Variants in TRAF3 observed in about 807,000 individuals in gnomAD.
TRAF3 encodes the protein TNF receptor associated factor 3.
Under a neutral mutation model 62.3 loss-of-function variants are expected in TRAF3, and 13 were observed. The ratio of observed to expected loss-of-function variants is 0.21; its 90% confidence interval spans 0.14 to 0.33. The LOEUF is 0.33. Ranked by LOEUF, TRAF3 falls within the 10% of genes least tolerant of loss-of-function variation. The pLI is 1.00. For missense variants in TRAF3, 440 were observed against 741.8 expected, an observed-to-expected ratio of 0.59 and a Z score of 4.73; for synonymous variants, 269 against 283.4, an observed-to-expected ratio of 0.95 and a Z score of 0.51.
intron 5 of TRAF3, among the ~76,000 whole-genome samples, chr14:102,876,079 T>C (rs1313192628): frequency 1.3e-5 from 2 of 152,212 alleles, no homozygotes; most frequent in African/African-American, 4.8e-5. Flanking sequence ...CTTAGAAAAT[T>C]ATTTGAACTG....
At chr14:102,799,376 C>T (rs1188067537) in intron 1 of TRAF3, among the ~76,000 whole-genome samples, 1 of 152,202 alleles carries the variant, frequency 6.6e-6, no homozygotes, top group Non-Finnish European at 1.5e-5. Flanking sequence ...GTGCAGATTC[C>T]ATTCAGTTCA....
intron 1 of TRAF3, among the ~76,000 whole-genome samples, chr14:102,823,828 C>T (rs1479224108): frequency 6.6e-6 from 1 of 152,134 alleles, no homozygotes; most frequent in African/African-American, 2.4e-5. Context: ...GCAGCCATTG[C>T]CTACTTTGGA....
rs182442916 is a variant in TRAF3, at chr14:102,896,443, T to A, written c.820-818T>A. ...CTGGCTTATTTCAGTTAGCATAACA[T>A]CCTCCAGGGACTAGTATTTTCTTAA... On this transcript the variant is annotated intron_variant, in intron 9 of 11. Transcript: ENST00000392745. Among the ~76,000 whole-genome samples the A allele has an allele frequency of 6.5e-3, 983 of 152,236 alleles. 8 individuals carry two copies. Among genetic ancestry groups the A allele is most frequent in the Non-Finnish European group, 0.01 (706 of 68,018 alleles).
intron 1 of TRAF3, among the ~76,000 whole-genome samples, chr14:102,782,716 A>G (rs547510254): frequency 1.4e-4 from 20 of 145,758 alleles, no homozygotes; most frequent in African/African-American, 3.5e-4. Context: ...AAAAAAAAAA[A>G]TTAAATGGAG....
chr14:102,879,367 G>C, intron 6 of TRAF3, among the ~76,000 whole-genome samples: 1 of 152,100 alleles, frequency 6.6e-6, no homozygotes, highest in East Asian at 1.9e-4. Context: ...CTTTCTCCCA[G>C]GTTCAAGTGA....
At chr14:102,880,559 A>T (rs554785226) in intron 6 of TRAF3, among the ~76,000 whole-genome samples, 2 of 152,372 alleles carry the variant, frequency 1.3e-5, no homozygotes, top group East Asian at 3.9e-4. Context: ...ACGATTCCTC[A>T]AAGATCTAGA....
chr14:102,810,528 T>C (rs1899057685), intron 1 of TRAF3: 1 of 152,256 alleles, frequency 6.6e-6, no homozygotes, highest in Non-Finnish European at 1.5e-5. Context: ...AAAGTAGTTC[T>C]TCAGAAGTGT....
At chr14:102,817,830 C>T (rs192103934) in intron 1 of TRAF3, among the ~76,000 whole-genome samples, 7 of 152,188 alleles carry the variant, frequency 4.6e-5, no homozygotes, top group East Asian at 1.9e-4. Context: ...TCTATTGTTA[C>T]GTTGTTAAGT....
chr14:102,897,146 G>C, intron 9 of TRAF3, 115 bp from the exon 10 acceptor site: 1 of 1,004,056 alleles, frequency 1.0e-6, no homozygotes, highest in South Asian at 1.5e-5. Flanking sequence ...TTTTTCTTCT[G>C]AAACTCTGTC....
At chr14:102,789,594 A>ATGTGTGTGTGTG (rs56383846) in intron 1 of TRAF3, among the ~76,000 whole-genome samples, 1 of 148,686 alleles carries the variant, frequency 6.7e-6, no homozygotes, top group Non-Finnish European at 1.5e-5. Flanking sequence ...AAAAGGATAT[A>ATGTGTGTGTGTG]TGTGTGTGTG....
intron 4 of TRAF3, among the ~76,000 whole-genome samples, chr14:102,873,325 G>C (rs186361712): frequency 1.8e-3 from 274 of 152,292 alleles, no homozygotes; most frequent in African/African-American, 5.9e-3. Context: ...CTGCAGGCTT[G>C]GTTAGTTCCT....
At chr14:102,862,670 T>C (rs1359297393) in intron 2 of TRAF3, among the ~76,000 whole-genome samples, 5 of 152,186 alleles carry the variant, frequency 3.3e-5, no homozygotes, top group Non-Finnish European at 7.3e-5. Context: ...TACAGGACTT[T>C]TCTACCATTA....
intron 1 of TRAF3, among the ~76,000 whole-genome samples, chr14:102,825,266 C>T (rs1269152584): frequency 2.0e-5 from 3 of 152,206 alleles, no homozygotes; most frequent in African/African-American, 2.4e-5. Flanking sequence ...GTTAAAGCCT[C>T]GCTGCCACCT....
At chr14:102,844,300 A>G (rs551520861) in intron 2 of TRAF3, among the ~76,000 whole-genome samples, 19 of 152,234 alleles carry the variant, frequency 1.2e-4, no homozygotes, top group Admixed American at 4.6e-4. Context: ...AAGAAGGTTT[A>G]TTGATCATCT....
chr14:102,866,348 G>A (rs1011653993), intron 2 of TRAF3, among the ~76,000 whole-genome samples: 1 of 151,992 alleles, frequency 6.6e-6, no homozygotes, highest in Admixed American at 6.6e-5. Context: ...AAACCACAAC[G>A]GCACGTGTAT....
At chr14:102,876,730 C>T in intron 6 of TRAF3, 1 of 636,356 alleles carries the variant, frequency 1.6e-6, no homozygotes, top group East Asian at 3.1e-5. Flanking sequence ...TTCCACAGGC[C>T]TTCCCTCAAC....
intron 6 of TRAF3, among the ~76,000 whole-genome samples, chr14:102,885,723 A>T (rs1178651771): frequency 6.6e-6 from 1 of 152,216 alleles, no homozygotes; most frequent in Non-Finnish European, 1.5e-5. Flanking sequence ...CATCATTTCC[A>T]GACTCCAAAC....
intron 3 of TRAF3, among the ~76,000 whole-genome samples, 174 bp downstream of exon 3, chr14:102,870,620 G>A (rs769956262): frequency 5.3e-5 from 8 of 152,296 alleles, no homozygotes; most frequent in Admixed American, 2.0e-4. Context: ...GGGATCCCAC[G>A]TGTGGGTTTA....
chr14:102,806,725 T>C (rs994873109), intron 1 of TRAF3, among the ~76,000 whole-genome samples: 4 of 152,054 alleles, frequency 2.6e-5, no homozygotes, highest in East Asian at 1.9e-4. Flanking sequence ...TCCAGAAGAA[T>C]AGAGGGGGCC....
Sources: gnomAD v4.1 joint callset for allele counts (sites outside exome capture counted in the v4.1 genomes callset) on GRCh38, gnomAD v4.1.1 for gene constraint, MANE v1.5 for transcripts, NCBI Gene and HGNC (gene_info 2026-07-23, HGNC 2026-07-21) for gene names.